INTS13: variants seen among roughly 807,000 people sequenced by gnomAD.
INTS13 encodes asunder, spermatogenesis regulator homolog (Drosphila).
In INTS13, 35 loss-of-function variants were observed where a neutral mutation model predicts 90.2. The ratio of observed to expected loss-of-function variants is 0.39; its 90% CI spans 0.30 to 0.51. The LOEUF (loss-of-function observed/expected upper bound fraction) is 0.51, where lower values mean the gene tolerates loss of function less well. Among genes scored for constraint, INTS13 ranks in the 20% least tolerant of loss-of-function variants. The probability of loss-of-function intolerance (pLI) is 0.80; values close to 1 mark genes in which losing one functional copy is unlikely to be tolerated. For missense variants in INTS13, 601 were observed against 851.2 expected, an observed-to-expected ratio of 0.71 and a Z score of 3.66; for synonymous variants, 309 against 277.1, an observed-to-expected ratio of 1.11 and a Z score of -1.14.
At chr12:26,915,768 C>T (rs1045818828) in intron 11 of INTS13, among the ~76,000 whole-genome samples, 17 of 152,130 alleles carry the variant, frequency 1.1e-4, no homozygotes, top group Non-Finnish European at 2.1e-4. Context: ...ACAATTCCAG[C>T]GTGTCATTGC....
At position 26,922,706 on chromosome 12, in the gene INTS13, A is replaced by G. The variant is rs772510818; in HGVS notation, c.805-6T>C. On this transcript the variant is annotated splice_polypyrimidine_tract_variant and splice_region_variant and intron_variant, in intron 7 of 16. Transcript: ENST00000261191. Reference sequence around the variant, plus strand: ...GTGTTAGCATGCTGTTCTTCCTTGAAGTAAAATTTCAAACATTTTAAAAAA... The same window carrying G: ...GTGTTAGCATGCTGTTCTTCCTTGAGGTAAAATTTCAAACATTTTAAAAAA... The G allele has an allele frequency of 1.3e-6, 2 of 1,537,744 alleles. No homozygotes were observed. The highest frequency in any genetic ancestry group is 1.8e-6 in the Non-Finnish European group (2 of 1,142,444).
intron 8 of INTS13, among the ~76,000 whole-genome samples, chr12:26,919,858 G>A (rs930565242): frequency 2.0e-5 from 3 of 152,060 alleles, no homozygotes; most frequent in Non-Finnish European, 2.9e-5. Flanking sequence ...GGCCGGGCAC[G>A]GTGACTCACA....
chr12:26,915,099 G>A (rs10771312), intron 11 of INTS13, among the ~76,000 whole-genome samples: 76,496 of 151,812 alleles, frequency 0.5, 19,664 homozygotes, highest in East Asian at 0.79. Flanking sequence ...GGTGGCAGGC[G>A]CCTATAATCT....
Position 26,913,459 on chromosome 12 carries a change from C to G in INTS13, c.1803G>C (p.Glu601Asp). Residue 601 changes from glutamate to aspartate, a missense_variant and splice_region_variant, in exon 14 of 17, where the codon GAG (glutamate) becomes GAC (aspartate). Glu to Asp is a conservative substitution (Grantham distance 45). Coordinates refer to ENST00000261191, the MANE Select transcript of INTS13 (RefSeq NM_018164.3). ...YEQEKSWQDS[E>D]RLKGILERGK... The stretch of plus-strand genomic sequence containing the variant: ...CTATATCAATGCCAGGAAGTCACCT[C>G]TCTGAGTCTTGCCAAGACTTTTCCT... 1 of 1,613,854 alleles carries G rather than the reference C, an allele frequency of 6.2e-7. No individual in the cohort carries two copies. The highest frequency in any genetic ancestry group is 1.3e-5 in the African/African-American group (1 of 75,060).
Position 26,937,961 on chromosome 12 carries a change from C to T in INTS13, c.-177G>A, listed in dbSNP as rs1412769648. 1.3e-5 allele frequency: 2 copies of T among 152,698 alleles called. No individual in the cohort carries two copies. The highest frequency in any genetic ancestry group is 2.9e-5 in the Non-Finnish European group (2 of 68,186). The allele number at this position is 152,698 out of a possible 1,614,324, so 9.5% of individuals were successfully genotyped here. A position where few individuals can be genotyped will look rare whatever the true frequency, so the allele number is the denominator to read the frequency against. On this transcript the variant is annotated 5_prime_UTR_variant, in exon 1 of 17. Transcript: ENST00000261191. ...ATCATCTCCTAGCACACCGGTCCTTCCCAGGCTTCCTAAGAGCAGGAGCGC... is the reference window on the plus strand; with the variant it reads ...ATCATCTCCTAGCACACCGGTCCTTTCCAGGCTTCCTAAGAGCAGGAGCGC...
intron 3 of INTS13, among the ~76,000 whole-genome samples, chr12:26,930,139 A>G (rs996689959): frequency 5.3e-5 from 8 of 152,232 alleles, no homozygotes; most frequent in African/African-American, 1.7e-4. Context: ...TGAAAACAAC[A>G]AAACATTGTT....
At chr12:26,934,224 T>C (rs1938343278) in intron 3 of INTS13, among the ~76,000 whole-genome samples, 1 of 152,158 alleles carries the variant, frequency 6.6e-6, no homozygotes, top group Non-Finnish European at 1.5e-5. Context: ...TGAGCCGAGA[T>C]GGCGCAATGC....
chr12:26,929,430 A>G (rs1252138570), intron 3 of INTS13, among the ~76,000 whole-genome samples: 1 of 152,172 alleles, frequency 6.6e-6, no homozygotes, highest in Non-Finnish European at 1.5e-5. Flanking sequence ...AAGAAATAAA[A>G]GAAATTCATG....
intron 13 of INTS13, 81 bp from the exon 14 acceptor site, chr12:26,913,768 A>C: frequency 7.8e-7 from 1 of 1,280,364 alleles, no homozygotes; most frequent in Non-Finnish European, 1.1e-6. Context: ...AAATAATGAA[A>C]TGTGGACTTC....
intron 7 of INTS13, 66 bp downstream of exon 7, chr12:26,924,289 G>C (rs1490798674): frequency 6.4e-7 from 1 of 1,551,182 alleles, no homozygotes; most frequent in African/African-American, 1.4e-5. Flanking sequence ...TACCACGCCT[G>C]GCCTCAAACA....
At chr12:26,911,826 T>A (rs1273742733) in intron 14 of INTS13, among the ~76,000 whole-genome samples, 2 of 152,244 alleles carry the variant, frequency 1.3e-5, no homozygotes, top group African/African-American at 4.8e-5. Flanking sequence ...AAGAGTGTAC[T>A]TGAAGCTCAG....
chr12:26,913,480 T>C lies in INTS13; in HGVS notation c.1782A>G (p.Glu594=). Residue 594 remains glutamate (E), a synonymous_variant, in exon 14 of 17, where the codon GAA becomes GAG. Coordinates refer to ENST00000261191, the MANE Select transcript of INTS13 (RefSeq NM_018164.3). ...ACCTCTCTGAGTCTTGCCAAGACTT[T>C]TCCTGTTCATAATCTTTCACTGCTT... The part of the protein sequence containing the change: ...SEKAVKDYEQ[E]KSWQDSERLK... 1 of 1,614,104 alleles carries C rather than the reference T, an allele frequency of 6.2e-7. No homozygotes were observed. Among genetic ancestry groups the C allele is most frequent in the African/African-American group, 1.3e-5 (1 of 75,052 alleles).
intron 6 of INTS13, 124 bp from the exon 7 acceptor site, chr12:26,924,607 A>G: frequency 4.8e-6 from 5 of 1,042,112 alleles, no homozygotes; most frequent in Non-Finnish European, 6.8e-6. Context: ...TTGGAAAAAA[A>G]GGATCCATAA....
upstream of INTS13, chr12:26,938,262 A>C (rs1938595432): frequency 6.6e-6 from 1 of 151,090 alleles, no homozygotes; most frequent in African/African-American, 2.4e-5. Context: ...CGTACGACCC[A>C]CCCACCCGGT....
rs574302073 is a variant in INTS13, at chr12:26,931,190, C to T, written c.301-2285G>A. On this transcript the variant is annotated intron_variant, in intron 3 of 16. Transcript: ENST00000261191. ...GGGCACGGTGGCTCATGCCTGTAATCCCAGCCCTTTGGGAGGCCGAGGCAG... is the reference window on the plus strand; with the variant it reads ...GGGCACGGTGGCTCATGCCTGTAATTCCAGCCCTTTGGGAGGCCGAGGCAG... Among the ~76,000 whole-genome samples, 3 of 151,604 alleles carry T rather than the reference C, an allele frequency of 2.0e-5. No individual in the cohort carries two copies. In the East Asian group the frequency reaches 5.8e-4, roughly 29 times the overall value.
intron 3 of INTS13, among the ~76,000 whole-genome samples, chr12:26,932,065 C>T (rs1381822355): frequency 8.8e-6 from 1 of 113,702 alleles, no homozygotes; most frequent in Admixed American, 1.2e-4. Context: ...CCAGCCTGGG[C>T]AACAAGAGTG....
intron 15 of INTS13, 137 bp from the exon 16 acceptor site, chr12:26,906,574 T>C: frequency 5.3e-6 from 5 of 949,248 alleles, no homozygotes; most frequent in Non-Finnish European, 7.8e-6. Flanking sequence ...TAGTTCATTT[T>C]ACACGATTAA....
chr12:26,921,404 G>A (rs1242700104), intron 8 of INTS13, among the ~76,000 whole-genome samples: 1 of 152,216 alleles, frequency 6.6e-6, no homozygotes. Context: ...AAATGAAACT[G>A]TAATGAGTTT....
intron 9 of INTS13, 54 bp from the exon 10 acceptor site, chr12:26,917,495 T>G (rs1417259099): frequency 7.7e-7 from 1 of 1,300,390 alleles, no homozygotes; most frequent in Admixed American, 2.2e-5. Flanking sequence ...ATTCCCACAA[T>G]TAAAAGAAAG....
Sources: allele counts gnomAD v4.1 joint callset (sites outside exome capture counted in the v4.1 genomes callset), GRCh38; gene constraint gnomAD v4.1.1; transcripts MANE v1.5; gene names NCBI Gene and HGNC (gene_info 2026-07-23, HGNC 2026-07-21).